Variants in DPF3 observed in about 807,000 individuals in gnomAD.
DPF3 encodes the protein zinc finger protein DPF3.
A neutral mutation model predicts 56.8 loss-of-function variants in DPF3; 18 were observed. The observed-to-expected ratio is 0.32, with a 90% CI of 0.22 to 0.47. DPF3 has a LOEUF of 0.47. DPF3 is among the 20% of genes least tolerant of loss of function. The pLI is 1.00. For missense variants in DPF3, 403 were observed against 488.8 expected, an observed-to-expected ratio of 0.82 and a Z score of 1.65; for synonymous variants, 188 against 180.2, an observed-to-expected ratio of 1.04 and a Z score of -0.35.
At chr14:72,790,135 C>T (rs1449697682) in intron 1 of DPF3, among the ~76,000 whole-genome samples, 1 of 152,120 alleles carries the variant, frequency 6.6e-6, no homozygotes, top group African/African-American at 2.4e-5. Flanking sequence ...GCCTGTAATC[C>T]TAGCACTTTG....
chr14:72,638,937 C>T (rs1885464889), intron 8 of DPF3, among the ~76,000 whole-genome samples: 1 of 152,176 alleles, frequency 6.6e-6, no homozygotes, highest in South Asian at 2.1e-4. Context: ...CTGCCTCAGC[C>T]TCCTGAGTAG....
intron 1 of DPF3, among the ~76,000 whole-genome samples, chr14:72,834,583 A>G (rs1320950400): frequency 6.6e-6 from 1 of 151,626 alleles, no homozygotes; most frequent in African/African-American, 2.4e-5. Context: ...TGGACCCCCC[A>G]TACATCACTG....
chr14:72,892,109 G>T (rs1567273141), intron 1 of DPF3: 2 of 1,506,894 alleles, frequency 1.3e-6, no homozygotes, highest in East Asian at 2.5e-5. Flanking sequence ...GCGGGCTCCC[G>T]GGTAACTAGG....
intron 1 of DPF3, among the ~76,000 whole-genome samples, chr14:72,862,284 C>A (rs1885469332): frequency 6.6e-6 from 1 of 152,162 alleles, no homozygotes; most frequent in African/African-American, 2.4e-5. Context: ...TCAAGCCTTC[C>A]AGACGAAGTG....
intron 1 of DPF3, among the ~76,000 whole-genome samples, chr14:72,872,394 G>A (rs1885936531): frequency 6.6e-6 from 1 of 152,164 alleles, no homozygotes; most frequent in Non-Finnish European, 1.5e-5. Context: ...CCAGAAAATA[G>A]GTTTTTCTTT....
chr14:72,859,480 C>T (rs796373964), intron 1 of DPF3, among the ~76,000 whole-genome samples: 2 of 100,490 alleles, frequency 2.0e-5, no homozygotes, highest in South Asian at 5.2e-4. Context: ...CCCCCCCCCC[C>T]CCCACACCAT....
At chr14:72,833,391 G>A (rs1056441186) in intron 1 of DPF3, among the ~76,000 whole-genome samples, 4 of 152,206 alleles carry the variant, frequency 2.6e-5, no homozygotes, top group African/African-American at 9.7e-5. Flanking sequence ...AGTTTTGAAC[G>A]TGTTGAGGTC....
chr14:72,831,596 G>C (rs1471416557), intron 1 of DPF3, among the ~76,000 whole-genome samples: 3 of 152,242 alleles, frequency 2.0e-5, no homozygotes, highest in Non-Finnish European at 4.4e-5. Flanking sequence ...GGCTCAGAGA[G>C]GGGGAAGGAA....
At chr14:72,819,916 C>T (rs1308464277) in intron 1 of DPF3, among the ~76,000 whole-genome samples, 4 of 152,108 alleles carry the variant, frequency 2.6e-5, no homozygotes, top group East Asian at 3.9e-4. Flanking sequence ...CCAACCTGGG[C>T]GACAAAGTGA....
At chr14:72,802,125 G>A (rs969739271) in intron 1 of DPF3, among the ~76,000 whole-genome samples, 2 of 152,164 alleles carry the variant, frequency 1.3e-5, no homozygotes, top group Admixed American at 6.5e-5. Context: ...CTCACACAGG[G>A]ACAGCTGGGT....
Position 72,630,135 on chromosome 14 carries a change from T to C in DPF3, c.872-399A>G, listed in dbSNP as rs552699791. 4.9e-4 allele frequency among the ~76,000 whole-genome samples: 74 copies of C among 152,196 alleles called. No individual in the cohort carries two copies. The South Asian group carries it at 7.3e-3, about 15-fold the overall frequency. The stretch of plus-strand genomic sequence containing the variant: ...TGGCAGCACAACAGGTAAGAACTAT[T>C]TGGAGCTGGGCCTTCTGATCCAACC... On this transcript the variant is annotated intron_variant, in intron 8 of 10. Coordinates refer to ENST00000556509, the MANE Select transcript of DPF3 (RefSeq NM_001280542.3).
chr14:72,797,429 A>G (rs927322699), intron 1 of DPF3, among the ~76,000 whole-genome samples: 1 of 152,232 alleles, frequency 6.6e-6, no homozygotes, highest in Non-Finnish European at 1.5e-5. Context: ...GGCAGGAGTC[A>G]ATGTCTCATT....
At chr14:72,824,547 T>C (rs1198167778) in intron 1 of DPF3, among the ~76,000 whole-genome samples, 1 of 127,462 alleles carries the variant, frequency 7.8e-6, no homozygotes, top group Non-Finnish European at 1.8e-5. Context: ...TACGTTTTCT[T>C]TTTCTTTTTT....
At chr14:72,774,281 A>C (rs1456432522) in intron 1 of DPF3, among the ~76,000 whole-genome samples, 2 of 151,098 alleles carry the variant, frequency 1.3e-5, no homozygotes, top group East Asian at 3.9e-4. Context: ...AAAAAAAAAA[A>C]AAAAAAAACC....
chr14:72,883,120 C>A (rs1886382336), intron 1 of DPF3, among the ~76,000 whole-genome samples: 1 of 152,122 alleles, frequency 6.6e-6, no homozygotes, highest in Non-Finnish European at 1.5e-5. Context: ...TTGAGGACAG[C>A]AGGAGTAGGG....
At chr14:72,881,995 C>T (rs982342450) in intron 1 of DPF3, among the ~76,000 whole-genome samples, 1 of 152,158 alleles carries the variant, frequency 6.6e-6, no homozygotes, top group African/African-American at 2.4e-5. Flanking sequence ...TCAAAACATA[C>T]TTAGGACTGT....
At chr14:72,873,843 T>C (rs1158813210) in intron 1 of DPF3, among the ~76,000 whole-genome samples, 1 of 150,998 alleles carries the variant, frequency 6.6e-6, no homozygotes, top group Admixed American at 6.6e-5. Flanking sequence ...AAACACCACA[T>C]GTTCTCACTC....
At chr14:72,875,069 T>C (rs927804788) in intron 1 of DPF3, among the ~76,000 whole-genome samples, 6 of 152,180 alleles carry the variant, frequency 3.9e-5, no homozygotes, top group Non-Finnish European at 7.3e-5. Context: ...CTGAAACCCC[T>C]GATAAACCCA....
intron 1 of DPF3, among the ~76,000 whole-genome samples, chr14:72,806,605 G>T (rs3937455): frequency 2.6e-5 from 4 of 152,100 alleles, no homozygotes; most frequent in African/African-American, 4.8e-5. Flanking sequence ...TTCCCCACCC[G>T]CACTGGGCGA....
Sources: gnomAD v4.1 joint callset for allele counts (sites outside exome capture counted in the v4.1 genomes callset) on GRCh38, gnomAD v4.1.1 for gene constraint, MANE v1.5 for transcripts, NCBI Gene and HGNC (gene_info 2026-07-23, HGNC 2026-07-21) for gene names.